The following RASSF2 variants were observed in gnomAD, a reference collection of about 807,000 sequenced individuals.
The protein encoded by RASSF2 is ras association domain-containing protein 2.
A neutral mutation model predicts 46.3 loss-of-function variants in RASSF2; 34 were observed. The observed-to-expected ratio is 0.73, with a 90% confidence interval of 0.56 to 0.98. The LOEUF (loss-of-function observed/expected upper bound fraction) is 0.98. Among genes scored for constraint, RASSF2 ranks in the 50% least tolerant of loss-of-function variants. The probability of loss-of-function intolerance (pLI) is 0.00; values close to 1 mark genes in which losing one functional copy is unlikely to be tolerated. For missense variants in RASSF2, 364 were observed against 431.2 expected, an observed-to-expected ratio of 0.84 and a Z score of 1.38; for synonymous variants, 158 against 162.5, an observed-to-expected ratio of 0.97 and a Z score of 0.21.
At chr20:4,798,841 C>CAAAA (rs202031937) in intron 3 of RASSF2, among the ~76,000 whole-genome samples, 2 of 97,290 alleles carry the variant, frequency 2.1e-5, no homozygotes, top group Non-Finnish European at 2.1e-5. Flanking sequence ...AACAAACAAA[C>CAAAA]AAACAAAAAA....
At chr20:4,803,987 G>A (rs1927128622) in intron 2 of RASSF2, among the ~76,000 whole-genome samples, 1 of 152,082 alleles carries the variant, frequency 6.6e-6, no homozygotes, top group African/African-American at 2.4e-5. Context: ...GGGCCCGGGA[G>A]GCCAAGGCTG....
chr20:4,795,770 C>G lies in RASSF2; in HGVS notation c.287+45G>C, dbSNP rs1482355621. Reference sequence around the variant, plus strand: ...TATCTGCTTGAGAACACATAGAACACCCAAGCATCCCAGTCATCTCCCTGC... The same window carrying G: ...TATCTGCTTGAGAACACATAGAACAGCCAAGCATCCCAGTCATCTCCCTGC... On this transcript the variant is annotated intron_variant, in intron 5 of 11. Transcript: ENST00000379400. The surrounding 1 kb of genome is among the most constrained non-coding windows in gnomAD (Gnocchi z 4.0). 1.3e-6 allele frequency: 2 copies of G among 1,575,166 alleles called. No individual in the cohort carries two copies. Among genetic ancestry groups the G allele is most frequent in the Non-Finnish European group, 1.7e-6 (2 of 1,158,292 alleles).
rs2122383169 is a variant in RASSF2 at position 4,783,997 on chromosome 20, A to G, written c.*276T>C. ...GTATCAGGTAGGCACATGGACACGT[A>G]CCATGTGTGCACACACATGTACACA... On this transcript the variant is annotated 3_prime_UTR_variant, in exon 12 of 12. Coordinates refer to ENST00000379400, the MANE Select transcript of RASSF2 (RefSeq NM_014737.3). The G allele has an allele frequency of 4.5e-6, 2 of 448,412 alleles. No individual in the cohort carries two copies. The highest frequency in any genetic ancestry group is 3.6e-5 in the East Asian group (1 of 27,554). The allele number at this position is 448,412 out of a possible 1,614,324, so 27.8% of individuals were successfully genotyped here. A position where few individuals can be genotyped will look rare whatever the true frequency, so the allele number is the denominator to read the frequency against.
At chr20:4,801,611 A>T (rs1466734082) in intron 2 of RASSF2, among the ~76,000 whole-genome samples, 1 of 152,230 alleles carries the variant, frequency 6.6e-6, no homozygotes, top group East Asian at 1.9e-4. Flanking sequence ...TTTTGTTTAA[A>T]ATCTATGTAA....
intron 1 of RASSF2, among the ~76,000 whole-genome samples, chr20:4,822,915 T>C (rs1928809157): frequency 6.6e-6 from 1 of 151,728 alleles, no homozygotes; most frequent in African/African-American, 2.4e-5. Flanking sequence ...CCGCCCCACC[T>C]CGCCAGGAAG....
Position 4,780,612 on chromosome 20 carries a change from C to T in RASSF2, c.*3661G>A, listed in dbSNP as rs1022911094. Reference sequence around the variant, plus strand: ...CTTATGGTGATCTCCTGTCTCCTATCTCATTCTTCACGTCATGGTTTGGCC... The same window carrying T: ...CTTATGGTGATCTCCTGTCTCCTATTTCATTCTTCACGTCATGGTTTGGCC... On this transcript the variant is annotated 3_prime_UTR_variant, in exon 12 of 12. Coordinates refer to ENST00000379400, the MANE Select transcript of RASSF2 (RefSeq NM_014737.3). 1 of 152,228 alleles carries T rather than the reference C, an allele frequency of 6.6e-6. No individual in the cohort carries two copies. Among genetic ancestry groups the T allele is most frequent in the Non-Finnish European group, 1.5e-5 (1 of 68,062 alleles). 9.4% of individuals were successfully genotyped at this position (152,228 alleles called of 1,614,324 possible). A position where few individuals can be genotyped will look rare whatever the true frequency, so the allele number is the denominator to read the frequency against.
At chr20:4,807,949 A>G (rs1006372179) in intron 2 of RASSF2, among the ~76,000 whole-genome samples, 1 of 152,202 alleles carries the variant, frequency 6.6e-6, no homozygotes, top group African/African-American at 2.4e-5. Context: ...AGCCAGCTAA[A>G]GATACTAAGC....
chr20:4,785,171 A>AG (rs1384585171), intron 11 of RASSF2, among the ~76,000 whole-genome samples: 60 of 151,198 alleles, frequency 4.0e-4, no homozygotes, highest in African/African-American at 9.0e-4. Flanking sequence ...AAAAAAAAAA[A>AG]AAAGAAAGAA....
intron 2 of RASSF2, among the ~76,000 whole-genome samples, chr20:4,807,416 C>T (rs190615484): frequency 4.6e-5 from 7 of 151,468 alleles, no homozygotes; most frequent in Non-Finnish European, 4.4e-5. Context: ...TGGTAAAGGG[C>T]TAATGTCCTT....
chr20:4,810,972 G>A (rs1322433575), intron 2 of RASSF2, among the ~76,000 whole-genome samples: 1 of 152,136 alleles, frequency 6.6e-6, no homozygotes, highest in Non-Finnish European at 1.5e-5. Context: ...AGGTGGCTTA[G>A]AGACACCCGA....
In RASSF2 at chr20:4,798,003, T is replaced by A. The variant is rs1269063136; in HGVS notation, c.135+7A>T. The A allele has an allele frequency of 2.5e-6, 4 of 1,613,510 alleles. No homozygotes were observed. Among genetic ancestry groups the A allele is most frequent in the Non-Finnish European group, 3.4e-6 (4 of 1,179,842 alleles). On this transcript the variant is annotated splice_region_variant and intron_variant, in intron 4 of 11. Transcript: ENST00000379400. ...GCCAATCAGGGCCGTCCCTGGGGAC[T>A]CCTTACCTCCCGGTGCCGGAGCTGT...
intron 2 of RASSF2, among the ~76,000 whole-genome samples, chr20:4,819,982 C>A (rs995958055): frequency 9.2e-5 from 14 of 152,186 alleles, no homozygotes; most frequent in African/African-American, 3.4e-4. Flanking sequence ...CAGCATCAAC[C>A]TGTGATGACA....
At chr20:4,820,750 T>C (rs567382331) in intron 2 of RASSF2, among the ~76,000 whole-genome samples, 1 of 152,074 alleles carries the variant, frequency 6.6e-6, no homozygotes, top group Non-Finnish European at 1.5e-5. Flanking sequence ...AGCACACTGC[T>C]GAGACCTGCC....
At chr20:4,784,383 A>T in intron 11 of RASSF2, 41 bp from the exon 12 acceptor site, 1 of 1,589,808 alleles carries the variant, frequency 6.3e-7, no homozygotes, top group Non-Finnish European at 8.6e-7. Context: ...GCAGCCAGCA[A>T]CACACCCCTG....
chr20:4,792,548 T>C lies in RASSF2; in HGVS notation c.367A>G (p.Ser123Gly). 1.2e-6 allele frequency: 2 copies of C among 1,614,136 alleles called. No homozygotes were observed. The highest frequency in any genetic ancestry group is 1.7e-6 in the Non-Finnish European group (2 of 1,180,014). Reference protein sequence around the residue: ...DAPPEGDQMPSSTDSRGLKPL... With the variant: ...DAPPEGDQMPGSTDSRGLKPL... ...TTCCACTCACATGTACCTGTGGAGC[T>C]TGGCATCTGGTCACCCTCCGGCGGG... is the stretch of plus-strand genomic sequence containing the variant. The change falls in exon 6 of 12, where the codon AGC (serine) becomes GGC (glycine). Residue 123 changes from serine (S) to glycine (G), a missense_variant. By Grantham distance (56) the Ser-to-Gly change is moderately conservative. Coordinates refer to ENST00000379400, the MANE Select transcript of RASSF2 (RefSeq NM_014737.3).
chr20:4,799,517 G>A (rs1926687024), intron 3 of RASSF2, among the ~76,000 whole-genome samples: 1 of 152,226 alleles, frequency 6.6e-6, no homozygotes, highest in Admixed American at 6.5e-5. Context: ...CAGGAGTCAA[G>A]ACCCACTGGA....
At chr20:4,820,509 C>CA (rs1397359589) in intron 2 of RASSF2, among the ~76,000 whole-genome samples, 3 of 151,298 alleles carry the variant, frequency 2.0e-5, no homozygotes, top group African/African-American at 7.3e-5. Flanking sequence ...GACCCTATGT[C>CA]AAAAAATAAT....
rs1191424994 is a variant in RASSF2, at chr20:4,787,638, A to T, written c.808T>A (p.Tyr270Asn). The T allele has an allele frequency of 6.2e-7, 1 of 1,614,178 alleles. No homozygotes were observed. The highest frequency in any genetic ancestry group is 2.2e-5 in the East Asian group (1 of 44,880). Residue 270 changes from tyrosine to asparagine, a missense_variant, in exon 10 of 12, where the codon TAC becomes AAC. Coordinates refer to ENST00000379400, the MANE Select transcript of RASSF2 (RefSeq NM_014737.3). Reference sequence around the variant, plus strand: ...CTGACCCAAAGGGAACTCACGTCGTAGGTGACTTCCTCCACCTGGTCCTTC... The same window carrying T: ...CTGACCCAAAGGGAACTCACGTCGTTGGTGACTTCCTCCACCTGGTCCTTC... ...MEKDQVEEVT[Y>N]DVAQYIKFEM...
At chr20:4,822,221 C>CA (rs1351966550) in intron 2 of RASSF2, 108 bp downstream of exon 2, 2 of 152,238 alleles carry the variant, frequency 1.3e-5, no homozygotes, top group Non-Finnish European at 2.9e-5. Flanking sequence ...TCTTTCCTCC[C>CA]ATTGTACTAA....
Sources: gnomAD v4.1 joint callset for allele counts (sites outside exome capture counted in the v4.1 genomes callset) on GRCh38, gnomAD v4.1.1 for gene constraint, Gnocchi (gnomAD v3.1) non-coding constraint, MANE v1.5 for transcripts, NCBI Gene and HGNC (gene_info 2026-07-23, HGNC 2026-07-21) for gene names.